RSBN1L: variants seen among roughly 807,000 people sequenced by gnomAD.
The protein encoded by RSBN1L is lysine-specific demethylase RSBN1L.
A neutral mutation model predicts 67.7 loss-of-function variants in RSBN1L; 30 were observed. The observed-to-expected ratio is 0.44, with a 90% CI of 0.33 to 0.60. The LOEUF is 0.60. Ranked by LOEUF, RSBN1L falls within the 20% of genes least tolerant of loss-of-function variation. The pLI, the probability that RSBN1L is intolerant of heterozygous loss-of-function variation, is 0.02. For synonymous variants in RSBN1L, 433 were observed against 387.0 expected, an observed-to-expected ratio of 1.12 and a Z score of -1.39; for missense variants, 992 against 1,031.7, an observed-to-expected ratio of 0.96 and a Z score of 0.53.
chr7:77,774,605 C>T (rs982305122), intron 6 of RSBN1L, among the ~76,000 whole-genome samples: 12 of 152,238 alleles, frequency 7.9e-5, no homozygotes, highest in African/African-American at 2.4e-4. Flanking sequence ...GCCGTGGTGG[C>T]ACGTGCCTGT....
chr7:77,723,070 G>A (rs550175181), intron 1 of RSBN1L, among the ~76,000 whole-genome samples: 1 of 150,480 alleles, frequency 6.6e-6, no homozygotes, highest in East Asian at 2.0e-4. Context: ...TGGTTCAATC[G>A]GTTCTTGTGT....
intron 1 of RSBN1L, among the ~76,000 whole-genome samples, chr7:77,723,173 C>T (rs981468930): frequency 4.6e-5 from 7 of 151,886 alleles, no homozygotes. Flanking sequence ...ACTATGTTGG[C>T]CAGGCTGGGC....
chr7:77,709,864 A>G (rs1015229218), intron 1 of RSBN1L, among the ~76,000 whole-genome samples: 3 of 152,166 alleles, frequency 2.0e-5, no homozygotes, highest in Non-Finnish European at 4.4e-5. Flanking sequence ...CCTCCTTGAC[A>G]TTTAATATGT....
chr7:77,746,351 G>A (rs1351056473), intron 2 of RSBN1L, among the ~76,000 whole-genome samples: 1 of 152,154 alleles, frequency 6.6e-6, no homozygotes, highest in South Asian at 2.1e-4. Context: ...GAGAGAGGTG[G>A]TGATGGGGGA....
chr7:77,701,158 AAAAAAAAAAAAAC>A (rs1225499877), intron 1 of RSBN1L, among the ~76,000 whole-genome samples: 1 of 112,138 alleles, frequency 8.9e-6, no homozygotes, highest in Non-Finnish European at 1.8e-5. Flanking sequence ...GCTCAAAAAA[AAAAAAAAAAAAAC>A]AACAACAACA....
intron 1 of RSBN1L, among the ~76,000 whole-genome samples, chr7:77,717,710 C>T (rs967846240): frequency 8.5e-5 from 13 of 152,096 alleles, no homozygotes; most frequent in Non-Finnish European, 1.6e-4. Context: ...CAGGCAGATA[C>T]TAAGGCAGTT....
intron 1 of RSBN1L, among the ~76,000 whole-genome samples, chr7:77,719,198 T>A (rs1791084910): frequency 2.6e-5 from 4 of 152,202 alleles, no homozygotes. Flanking sequence ...TTGGAGCACA[T>A]TCCAATTGAA....
At chr7:77,759,963 A>C (rs146088972) in intron 3 of RSBN1L, among the ~76,000 whole-genome samples, 350 of 152,352 alleles carry the variant, frequency 2.3e-3, no homozygotes, top group African/African-American at 8.1e-3. Flanking sequence ...CTCTTCAGGG[A>C]ACATGTTTTG....
rs753646401 is a variant in RSBN1L, at chr7:77,778,846, C to T, written c.2219C>T (p.Ser740Leu). ...VSKASLDSVF[S>L]DKLHSKYELQ... Reference sequence around the variant, plus strand: ...AAAGCCTCCTTGGATTCTGTTTTTTCAGATAAACTTCATTCTAAATATGAA... The same window carrying T: ...AAAGCCTCCTTGGATTCTGTTTTTTTAGATAAACTTCATTCTAAATATGAA... Residue 740 changes from serine to leucine, a missense_variant, in exon 8 of 8, where the codon TCA becomes TTA. Physicochemically the swap from Ser to Leu is moderately radical, Grantham distance 145. This residue lies in a region of RSBN1L where 199 missense variants were observed against 167.7 expected (regional missense o/e 1.19). Transcript: ENST00000334955. 2.5e-6 allele frequency: 4 copies of T among 1,613,896 alleles called. No individual in the cohort carries two copies. Among genetic ancestry groups the T allele is most frequent in the South Asian group, 2.2e-5 (2 of 91,084 alleles).
intron 3 of RSBN1L, chr7:77,759,806 G>C (rs1390126729): frequency 6.6e-6 from 1 of 152,148 alleles, no homozygotes; most frequent in African/African-American, 2.4e-5. Flanking sequence ...AAAAAAAACA[G>C]GTTTTGAAGT....
intron 1 of RSBN1L, among the ~76,000 whole-genome samples, chr7:77,709,405 T>C (rs1260207662): frequency 6.6e-6 from 1 of 152,070 alleles, no homozygotes; most frequent in Non-Finnish European, 1.5e-5. Flanking sequence ...TTCTCCTGCC[T>C]CAGCCTCCCA....
intron 5 of RSBN1L, 41 bp from the exon 6 acceptor site, chr7:77,773,105 AG>A (rs749394309): frequency 1.8e-6 from 2 of 1,089,752 alleles, no homozygotes; most frequent in Non-Finnish European, 2.6e-6. Context: ...ATAGCAATTA[AG>A]TGTCACTATA....
At chr7:77,701,547 T>C (rs1231694452) in intron 1 of RSBN1L, among the ~76,000 whole-genome samples, 2 of 152,148 alleles carry the variant, frequency 1.3e-5, no homozygotes, top group African/African-American at 4.8e-5. Context: ...TATTCTACTA[T>C]CTGGGGAATG....
chr7:77,720,551 C>T (rs544315407), intron 1 of RSBN1L, among the ~76,000 whole-genome samples: 71 of 151,904 alleles, frequency 4.7e-4, no homozygotes, highest in Non-Finnish European at 9.3e-4. Flanking sequence ...AAGAGCGAAA[C>T]TCCGTTAAAA....
Position 77,750,122 on chromosome 7 carries a change from C to A in RSBN1L, c.1344+58C>A, listed in dbSNP as rs541248994. ...TAATTATATATTTTTAGATGAGTTT[C>A]TGTTTTTTGTTCCTAATTATAGGGC... On this transcript the variant is annotated intron_variant, in intron 3 of 7. Coordinates refer to ENST00000334955, the MANE Select transcript of RSBN1L (RefSeq NM_198467.3). The A allele has an allele frequency of 7.5e-6, 8 of 1,072,894 alleles. No individual in the cohort carries two copies. The African/African-American group carries it at 1.1e-4, about 15-fold the overall frequency. The allele number at this position is 1,072,894 out of a possible 1,614,324, so 66.5% of individuals were successfully genotyped here. A position where few individuals can be genotyped will look rare whatever the true frequency, so the allele number is the denominator to read the frequency against.
At position 77,781,412 on chromosome 7, in the gene RSBN1L, A is replaced by T. The variant is rs1791995478; in HGVS notation, c.*2244A>T. ...AACCAGTATTGAGAAATAAGAAGGG[A>T]TGTAGTTAAAATGGTTTTCTGTTTC... On this transcript the variant is annotated 3_prime_UTR_variant, in exon 8 of 8. Coordinates refer to ENST00000334955, the MANE Select transcript of RSBN1L (RefSeq NM_198467.3). 1 of 152,238 alleles carries T rather than the reference A, an allele frequency of 6.6e-6. No homozygotes were observed. The highest frequency in any genetic ancestry group is 2.1e-4 in the South Asian group (1 of 4,832). The allele number at this position is 152,238 out of a possible 1,614,324, so 9.4% of individuals were successfully genotyped here.
intron 3 of RSBN1L, among the ~76,000 whole-genome samples, chr7:77,759,290 TA>T (rs1791666353): frequency 6.6e-6 from 1 of 152,202 alleles, no homozygotes; most frequent in Non-Finnish European, 1.5e-5. Flanking sequence ...CTATACAAAA[TA>T]TCGTGTCAGG....
At chr7:77,770,145 G>A (rs1027617838) in intron 5 of RSBN1L, among the ~76,000 whole-genome samples, 4 of 152,150 alleles carry the variant, frequency 2.6e-5, no homozygotes, top group African/African-American at 7.2e-5. Context: ...GGCTGAGGCG[G>A]GTGGATTACC....
Position 77,782,726 on chromosome 7 carries a change from A to G in RSBN1L, c.*3558A>G, listed in dbSNP as rs1210624460. ...CTGTAACTTTTCTCGAGTGGTGGTC[A>G]TTGAGGGTAGGGAAGATTTTATTTT... On this transcript the variant is annotated 3_prime_UTR_variant, in exon 8 of 8. Coordinates refer to ENST00000334955, the MANE Select transcript of RSBN1L (RefSeq NM_198467.3). 1 of 151,892 alleles carries G rather than the reference A, an allele frequency of 6.6e-6. No homozygotes were observed. The highest frequency in any genetic ancestry group is 1.5e-5 in the Non-Finnish European group (1 of 67,916). 9.4% of individuals were successfully genotyped at this position (151,892 alleles called of 1,614,324 possible). A position where few individuals can be genotyped will look rare whatever the true frequency, so the allele number is the denominator to read the frequency against.
Sources: allele counts gnomAD v4.1 joint callset (sites outside exome capture counted in the v4.1 genomes callset), GRCh38; gene constraint gnomAD v4.1.1; regional missense constraint gnomAD v4.1.1; transcripts MANE v1.5; gene names NCBI Gene and HGNC (gene_info 2026-07-23, HGNC 2026-07-21).